Variants in KLHL1 observed in about 807,000 individuals in gnomAD.
KLHL1 encodes kelch like family member 1.
In KLHL1, 47 loss-of-function variants were observed where a neutral mutation model predicts 77.7. The ratio of observed to expected loss-of-function variants is 0.60; its 90% CI spans 0.48 to 0.77. The LOEUF (loss-of-function observed/expected upper bound fraction) is 0.77. Among genes scored for constraint, KLHL1 ranks in the 30% least tolerant of loss-of-function variants. KLHL1 has a pLI of 0.00. For missense variants in KLHL1, 925 were observed against 910.8 expected (o/e 1.02, Z -0.20); for synonymous variants, 360 against 325.2 (o/e 1.11, Z -1.15).
intron 5 of KLHL1, among the ~76,000 whole-genome samples, chr13:69,845,328 A>G (rs1180648146): frequency 6.6e-6 from 1 of 151,672 alleles, no homozygotes; most frequent in Non-Finnish European, 1.5e-5. Context: ...CATTTCACCA[A>G]TAATAGCTAC....
intron 3 of KLHL1, among the ~76,000 whole-genome samples, chr13:69,958,242 A>T (rs931980850): frequency 6.6e-6 from 1 of 150,660 alleles, no homozygotes; most frequent in Middle Eastern, 3.2e-3. Flanking sequence ...GTTACCAAAT[A>T]ATAATAATAA....
chr13:69,886,510 C>A (rs916522124), intron 4 of KLHL1, among the ~76,000 whole-genome samples: 1 of 151,046 alleles, frequency 6.6e-6, no homozygotes, highest in South Asian at 2.1e-4. Context: ...ATATAAAACT[C>A]TTTTGAAATT....
At chr13:69,873,474 A>C (rs945100473) in intron 5 of KLHL1, among the ~76,000 whole-genome samples, 1 of 152,178 alleles carries the variant, frequency 6.6e-6, no homozygotes, top group African/African-American at 2.4e-5. Flanking sequence ...TGTTTTGTTT[A>C]AGTTTGCCTT....
At chr13:70,032,966 T>C (rs982006527) in intron 1 of KLHL1, among the ~76,000 whole-genome samples, 1 of 152,206 alleles carries the variant, frequency 6.6e-6, no homozygotes, top group Non-Finnish European at 1.5e-5. Flanking sequence ...TGATCATAGA[T>C]ATTTTGAATT....
chr13:69,880,798 AT>A (rs1270613744), intron 5 of KLHL1, among the ~76,000 whole-genome samples: 2 of 152,092 alleles, frequency 1.3e-5, no homozygotes, highest in Non-Finnish European at 2.9e-5. Flanking sequence ...ACTATTTCTG[AT>A]TTTGTGCACA....
At chr13:70,095,502 A>C (rs1182186513) in intron 1 of KLHL1, among the ~76,000 whole-genome samples, 1 of 152,188 alleles carries the variant, frequency 6.6e-6, no homozygotes, top group South Asian at 2.1e-4. Flanking sequence ...TTGCTTGCCC[A>C]TGAAGTCAGT....
chr13:69,995,669 GAAGT>G (rs1885133831), intron 1 of KLHL1, among the ~76,000 whole-genome samples: 2 of 152,064 alleles, frequency 1.3e-5, no homozygotes, highest in East Asian at 1.9e-4. Flanking sequence ...TCCCTGAATT[GAAGT>G]AAGTACCTCA....
intron 7 of KLHL1, among the ~76,000 whole-genome samples, chr13:69,779,684 G>A (rs1358634346): frequency 6.6e-6 from 1 of 152,028 alleles, no homozygotes; most frequent in Non-Finnish European, 1.5e-5. Flanking sequence ...TTAGTAGTAA[G>A]AAATGTAACA....
intron 5 of KLHL1, among the ~76,000 whole-genome samples, chr13:69,847,996 C>A (rs1449906823): frequency 6.6e-6 from 1 of 151,438 alleles, no homozygotes; most frequent in East Asian, 1.9e-4. Context: ...CACAGGGAAA[C>A]AATGATCATA....
At chr13:69,895,185 T>C (rs1387719268) in intron 4 of KLHL1, 1 of 485,714 alleles carries the variant, frequency 2.1e-6, no homozygotes, top group African/African-American at 2.0e-5. Context: ...ACTTCAATAA[T>C]TTTAACAGGC....
intron 4 of KLHL1, among the ~76,000 whole-genome samples, chr13:69,888,240 C>T (rs1289054398): frequency 6.6e-6 from 1 of 152,102 alleles, no homozygotes; most frequent in African/African-American, 2.4e-5. Flanking sequence ...CTCACAATGT[C>T]CTCCAGCTTT....
chr13:69,968,384 T>C lies in KLHL1; in HGVS notation c.681-6940A>G, dbSNP rs540608734. Among the ~76,000 whole-genome samples the C allele has an allele frequency of 2.7e-5, 4 of 149,788 alleles. No homozygotes were observed. In the South Asian group the frequency reaches 8.3e-4, roughly 31 times the overall value. ...AAATATATATATAAATATACATATA[T>C]AATATATATTTTGGTGACTTGCTTA... On this transcript the variant is annotated intron_variant, in intron 2 of 10. Coordinates refer to ENST00000377844, the MANE Select transcript of KLHL1 (RefSeq NM_020866.3).
intron 5 of KLHL1, among the ~76,000 whole-genome samples, chr13:69,854,993 A>G (rs1018790868): frequency 2.0e-5 from 3 of 152,084 alleles, no homozygotes; most frequent in African/African-American, 7.2e-5. Context: ...GAAAACACTT[A>G]TTTGTACTCA....
At chr13:69,954,664 T>C (rs909821806) in intron 3 of KLHL1, among the ~76,000 whole-genome samples, 4 of 151,240 alleles carry the variant, frequency 2.6e-5, no homozygotes, top group African/African-American at 9.7e-5. Context: ...TTAAGCCCCA[T>C]GGCACAAAGC....
At chr13:69,720,297 C>T (rs571620108) in intron 8 of KLHL1, among the ~76,000 whole-genome samples, 1 of 152,072 alleles carries the variant, frequency 6.6e-6, no homozygotes, top group East Asian at 1.9e-4. Context: ...CAGTTTAATC[C>T]TAATAAAATA....
In KLHL1 at chr13:69,739,871, G is replaced by T. The variant is rs1481123721; in HGVS notation, c.1802+523C>A. On this transcript the variant is annotated intron_variant, in intron 8 of 10. Coordinates refer to ENST00000377844, the MANE Select transcript of KLHL1 (RefSeq NM_020866.3). ...CAGGGGATAGTAGACAATATCTGGAGATATTTTTGCGTGTCACAATGAGGT... is the reference window on the plus strand; with the variant it reads ...CAGGGGATAGTAGACAATATCTGGATATATTTTTGCGTGTCACAATGAGGT... 2.0e-5 allele frequency among the ~76,000 whole-genome samples: 3 copies of T among 152,108 alleles called. No individual in the cohort carries two copies. In the East Asian group the frequency reaches 5.8e-4, roughly 29 times the overall value.
chr13:69,985,608 T>C (rs1028704836), intron 1 of KLHL1, among the ~76,000 whole-genome samples: 3 of 151,354 alleles, frequency 2.0e-5, no homozygotes, highest in Admixed American at 6.6e-5. Context: ...CAGACTACCA[T>C]ATGATCCAGC....
chr13:69,819,871 A>G (rs1878265884), intron 6 of KLHL1, among the ~76,000 whole-genome samples: 1 of 152,088 alleles, frequency 6.6e-6, no homozygotes, highest in East Asian at 1.9e-4. Flanking sequence ...TGAGAGTCTC[A>G]GCTTTTTAAT....
intron 4 of KLHL1, among the ~76,000 whole-genome samples, chr13:69,929,551 A>G (rs1485630918): frequency 8.6e-5 from 13 of 151,880 alleles, no homozygotes; most frequent in Admixed American, 8.5e-4. Context: ...TGGATTACTT[A>G]TGCCAAGATT....
Sources: gnomAD v4.1 joint callset for allele counts (sites outside exome capture counted in the v4.1 genomes callset) on GRCh38, gnomAD v4.1.1 for gene constraint, MANE v1.5 for transcripts, NCBI Gene and HGNC (gene_info 2026-07-23, HGNC 2026-07-21) for gene names.